The following NSUN2 variants were observed in gnomAD, a reference collection of about 807,000 sequenced individuals.
NSUN2 encodes the protein RNA cytosine C(5)-methyltransferase NSUN2.
Under a neutral mutation model 92.7 loss-of-function variants are expected in NSUN2, and 63 were observed. The ratio of observed to expected loss-of-function variants is 0.68; its 90% CI spans 0.56 to 0.84. The LOEUF (loss-of-function observed/expected upper bound fraction) is 0.84. Among genes scored for constraint, NSUN2 ranks in the 40% least tolerant of loss-of-function variants. NSUN2 has a pLI of 0.00. For missense variants in NSUN2, 989 were observed against 964.9 expected, an observed-to-expected ratio of 1.02 and a Z score of -0.33; for synonymous variants, 356 against 348.3, an observed-to-expected ratio of 1.02 and a Z score of -0.25.
chr5:6,609,404 A>G (rs1255714511), intron 12 of NSUN2, among the ~76,000 whole-genome samples: 1 of 152,224 alleles, frequency 6.6e-6, no homozygotes, highest in Non-Finnish European at 1.5e-5. Flanking sequence ...CAAGGCCGTC[A>G]TCATTCCTTG....
intron 3 of NSUN2, among the ~76,000 whole-genome samples, chr5:6,630,953 G>C (rs1737860975): frequency 6.6e-6 from 1 of 152,096 alleles, no homozygotes; most frequent in Admixed American, 6.5e-5. Flanking sequence ...AATTGGCCGG[G>C]CGTGGTGGCG....
At chr5:6,602,440 G>A in intron 18 of NSUN2, 21 bp downstream of exon 18, 1 of 1,611,616 alleles carries the variant, frequency 6.2e-7, no homozygotes, top group Non-Finnish European at 8.5e-7. Context: ...GTGTCTAAGG[G>A]CAGGGCGTGT....
chr5:6,609,601 T>C (rs1203897528), intron 12 of NSUN2, among the ~76,000 whole-genome samples: 6 of 152,212 alleles, frequency 3.9e-5, no homozygotes, highest in Admixed American at 2.0e-4. Flanking sequence ...CAGGAATACA[T>C]TCCCCCAAAC....
chr5:6,611,912 T>C (rs1737009436), intron 9 of NSUN2, 114 bp from the exon 10 acceptor site: 2 of 965,518 alleles, frequency 2.1e-6, no homozygotes, highest in Admixed American at 2.3e-5. Context: ...GTACAGAAAA[T>C]GTCCAGGGAA....
chr5:6,614,122 A>G lies in NSUN2; in HGVS notation c.1022-2324T>C. Among the ~76,000 whole-genome samples the G allele has an allele frequency of 3.2e-5, 2 of 62,478 alleles. 1 individual carries two copies. Among genetic ancestry groups the G allele is most frequent in the Admixed American group, 3.1e-4 (2 of 6,380 alleles). The allele number at this position is 62,478 out of a possible 152,430, so 41.0% of individuals were successfully genotyped here. A position where few individuals can be genotyped will look rare whatever the true frequency, so the allele number is the denominator to read the frequency against. ...AAAAAAAAAAAAAAAAAAAAAAAAA[A>G]CCCACAACACACACATATAGACAGA... On this transcript the variant is annotated intron_variant, in intron 9 of 18. Transcript: ENST00000264670.
intron 7 of NSUN2, among the ~76,000 whole-genome samples, chr5:6,619,169 GAAAA>G (rs996988954): frequency 2.0e-5 from 3 of 150,924 alleles, no homozygotes; most frequent in Non-Finnish European, 4.4e-5. Context: ...CAACCTAGAG[GAAAA>G]AAAAACTTTA....
chr5:6,621,834 G>GT, intron 6 of NSUN2, 182 bp downstream of exon 6: 1 of 569,346 alleles, frequency 1.8e-6, no homozygotes, highest in South Asian at 2.2e-5. Flanking sequence ...GAGTGTGTTT[G>GT]TTTGAGTACT....
chr5:6,616,043 G>A (rs1737194565), intron 9 of NSUN2, among the ~76,000 whole-genome samples: 1 of 152,180 alleles, frequency 6.6e-6, no homozygotes, highest in Admixed American at 6.5e-5. Flanking sequence ...TGCACTGGGG[G>A]TAGAAATACA....
intron 14 of NSUN2, among the ~76,000 whole-genome samples, chr5:6,605,854 CT>C (rs1016698439): frequency 1.0e-5 from 1 of 99,342 alleles, no homozygotes; most frequent in Non-Finnish European, 2.6e-5. Flanking sequence ...GCCACCACAC[CT>C]AATTTTTTTT....
In NSUN2 at chr5:6,599,841, C is replaced by T. The variant is rs1429279900; in HGVS notation, c.*85G>A. ...TATATGCTTTACAGGCCACAGGCTGCTCTGGATTTGGTTTCAGACACCAGT... is the reference window on the plus strand; with the variant it reads ...TATATGCTTTACAGGCCACAGGCTGTTCTGGATTTGGTTTCAGACACCAGT... On this transcript the variant is annotated 3_prime_UTR_variant, in exon 19 of 19. Transcript: ENST00000264670. 20 of 1,211,892 alleles carry T rather than the reference C, an allele frequency of 1.7e-5. No individual in the cohort carries two copies. The Admixed American group carries it at 3.0e-4, about 18-fold the overall frequency. The allele number at this position is 1,211,892 out of a possible 1,614,324, so 75.1% of individuals were successfully genotyped here.
At chr5:6,613,709 C>T (rs149419157) in intron 9 of NSUN2, among the ~76,000 whole-genome samples, 1 of 152,120 alleles carries the variant, frequency 6.6e-6, no homozygotes, top group African/African-American at 2.4e-5. Context: ...AATAAAGGTG[C>T]GATTTTGGCC....
intron 11 of NSUN2, among the ~76,000 whole-genome samples, chr5:6,610,608 C>T (rs1016019458): frequency 2.6e-5 from 4 of 151,492 alleles, no homozygotes; most frequent in Non-Finnish European, 4.4e-5. Flanking sequence ...TGCTTGAACC[C>T]AGGAGGCAGA....
At position 6,621,793 on chromosome 5, in the gene NSUN2, A is replaced by AT. The variant is rs550951450; in HGVS notation, c.622+222dup. The AT allele has an allele frequency of 2.0e-4, 94 of 469,762 alleles. 1 individual carries two copies. In the East Asian group the frequency reaches 3.2e-3, roughly 16 times the overall value. The allele number at this position is 469,762 out of a possible 1,614,324, so 29.1% of individuals were successfully genotyped here. ...CCATTCGTTTTTATAGAAAACACAC[A>AT]TAATTCTAAAATAAAGCTCCCCCAT... On this transcript the variant is annotated intron_variant, in intron 6 of 18. Transcript: ENST00000264670.
chr5:6,629,345 G>C (rs1737775557), intron 3 of NSUN2, among the ~76,000 whole-genome samples: 1 of 152,198 alleles, frequency 6.6e-6, no homozygotes, highest in African/African-American at 2.4e-5. Context: ...GTAGTTTGCA[G>C]AGAATAATAA....
At chr5:6,630,630 T>C (rs1737842425) in intron 3 of NSUN2, among the ~76,000 whole-genome samples, 1 of 152,218 alleles carries the variant, frequency 6.6e-6, no homozygotes, top group Non-Finnish European at 1.5e-5. Context: ...TGTATATGCT[T>C]ATCTGTGATA....
At chr5:6,608,913 T>A (rs1317576765) in intron 12 of NSUN2, among the ~76,000 whole-genome samples, 2 of 152,242 alleles carry the variant, frequency 1.3e-5, no homozygotes, top group Non-Finnish European at 2.9e-5. Context: ...TCCATCAGCG[T>A]TAAGATACCT....
rs183392200 is a variant in NSUN2 at position 6,622,747 on chromosome 5, T to A, written c.537+467A>T. On this transcript the variant is annotated intron_variant, in intron 5 of 18. Transcript: ENST00000264670. ...CTGTAATCCCGGCTACTTGGGAGAC[T>A]GAGGCAGGAGAATTGCCTGAACTCA... is the stretch of plus-strand genomic sequence containing the variant. Among the ~76,000 whole-genome samples the A allele has an allele frequency of 3.8e-3, 568 of 150,398 alleles. 1 individual carries two copies. Among genetic ancestry groups the A allele is most frequent in the Non-Finnish European group, 6.4e-3 (435 of 67,806 alleles).
intron 4 of NSUN2, among the ~76,000 whole-genome samples, chr5:6,624,814 A>G (rs1243372236): frequency 1.6e-5 from 1 of 63,390 alleles, no homozygotes; most frequent in South Asian, 3.4e-4. Context: ...TAGTTTAGAA[A>G]ATAGGAAGGA....
Position 6,611,889 on chromosome 5 carries a change from T to G in NSUN2, c.1022-91A>C. On this transcript the variant is annotated intron_variant, in intron 9 of 18. Transcript: ENST00000264670. ...AAAAAACCAGACACAGATCACATATTATATGATTCCATGTACAGAAAATGT... is the reference window on the plus strand; with the variant it reads ...AAAAAACCAGACACAGATCACATATGATATGATTCCATGTACAGAAAATGT... The G allele has an allele frequency of 5.5e-6, 6 of 1,100,348 alleles. No homozygotes were observed. The South Asian group carries it at 8.2e-5, about 15-fold the overall frequency. 68.2% of individuals were successfully genotyped at this position (1,100,348 alleles called of 1,614,324 possible).
Sources: allele counts gnomAD v4.1 joint callset (sites outside exome capture counted in the v4.1 genomes callset), GRCh38; gene constraint gnomAD v4.1.1; transcripts MANE v1.5; gene names NCBI Gene and HGNC (gene_info 2026-07-23, HGNC 2026-07-21).